GABRB1: variants seen among roughly 807,000 people sequenced by gnomAD.
GABRB1 encodes gamma-aminobutyric acid receptor subunit beta-1.
In GABRB1, 17 loss-of-function variants were observed where a neutral mutation model predicts 51.6. The observed-to-expected ratio is 0.33, with a 90% confidence interval of 0.23 to 0.49. The LOEUF (loss-of-function observed/expected upper bound fraction) is 0.49, where lower values mean the gene tolerates loss of function less well. Among genes scored for constraint, GABRB1 ranks in the 20% least tolerant of loss-of-function variants. The probability of loss-of-function intolerance (pLI) is 0.99; values close to 1 mark genes in which losing one functional copy is unlikely to be tolerated. For synonymous variants in GABRB1, 247 were observed against 218.9 expected, an observed-to-expected ratio of 1.13 and a Z score of -1.14; for missense variants, 410 against 600.6, an observed-to-expected ratio of 0.68 and a Z score of 3.32.
rs1317707161 is a variant in GABRB1, at chr4:47,403,680, C to G, written c.804C>G (p.Asn268Lys). 1 of 1,613,492 alleles carries G rather than the reference C, an allele frequency of 6.2e-7. No individual in the cohort carries two copies. The highest frequency in any genetic ancestry group is 1.7e-5 in the Admixed American group (1 of 60,022). ...TILSWVSFWI[N>K]YDASAARVAL... The stretch of plus-strand genomic sequence containing the variant: ...TGTCCTGGGTGTCTTTTTGGATCAA[C>G]TATGATGCATCTGCAGCCAGAGTCG... Residue 268 changes from asparagine to lysine, a missense_variant, in exon 7 of 9, where the codon AAC becomes AAG. Coordinates refer to ENST00000295454, the MANE Select transcript of GABRB1 (RefSeq NM_000812.4).
chr4:46,994,401 G>A (rs978657846), intron 1 of GABRB1: 23 of 151,092 alleles, frequency 1.5e-4, no homozygotes, highest in Admixed American at 6.6e-5. Context: ...ACTTCCAGAG[G>A]TTGACTGCTT....
intron 3 of GABRB1, among the ~76,000 whole-genome samples, chr4:47,095,552 G>C (rs898675794): frequency 2.0e-5 from 3 of 152,204 alleles, no homozygotes; most frequent in African/African-American, 7.2e-5. Context: ...CAGCCTTGGT[G>C]AGGCCTGGGA....
At chr4:47,083,500 C>T (rs1316657998) in intron 3 of GABRB1, among the ~76,000 whole-genome samples, 2 of 152,036 alleles carry the variant, frequency 1.3e-5, no homozygotes, top group African/African-American at 4.8e-5. Context: ...CCAATTTTTT[C>T]ATTGCTTATC....
chr4:47,388,277 G>A (rs1487951425), intron 5 of GABRB1, among the ~76,000 whole-genome samples: 1 of 152,132 alleles, frequency 6.6e-6, no homozygotes, highest in Non-Finnish European at 1.5e-5. Flanking sequence ...CCTTTAAATG[G>A]GTATGGTCTA....
At chr4:47,358,375 G>A (rs1726665704) in intron 5 of GABRB1, among the ~76,000 whole-genome samples, 1 of 151,570 alleles carries the variant, frequency 6.6e-6, no homozygotes, top group East Asian at 1.9e-4. Context: ...ATATATATGT[G>A]TGTGTGTATA....
At chr4:47,169,078 T>A (rs888167524) in intron 4 of GABRB1, among the ~76,000 whole-genome samples, 1 of 152,188 alleles carries the variant, frequency 6.6e-6, no homozygotes, top group African/African-American at 2.4e-5. Flanking sequence ...TAAGGTCATA[T>A]TCTAAGTCAC....
intron 3 of GABRB1, among the ~76,000 whole-genome samples, chr4:47,054,568 A>G (rs1484208876): frequency 6.7e-6 from 1 of 148,318 alleles, no homozygotes; most frequent in East Asian, 2.0e-4. Context: ...TGTTACTATT[A>G]TTATTACTTT....
intron 5 of GABRB1, among the ~76,000 whole-genome samples, chr4:47,322,586 A>C (rs1725123018): frequency 6.6e-6 from 1 of 152,200 alleles, no homozygotes; most frequent in Admixed American, 6.5e-5. Flanking sequence ...AGGGCAAAAA[A>C]AGTAATGGAG....
chr4:47,189,225 T>TG (rs1719325759), intron 4 of GABRB1, among the ~76,000 whole-genome samples: 1 of 151,728 alleles, frequency 6.6e-6, no homozygotes, highest in Admixed American at 6.6e-5. Context: ...TGGACATACT[T>TG]GGAAAGTTTT....
intron 5 of GABRB1, among the ~76,000 whole-genome samples, chr4:47,353,621 G>C (rs1355993993): frequency 1.3e-5 from 2 of 152,098 alleles, no homozygotes; most frequent in Non-Finnish European, 1.5e-5. Flanking sequence ...TACCTATCTT[G>C]AAATATCATT....
chr4:47,173,059 C>A (rs1439988180), intron 4 of GABRB1, among the ~76,000 whole-genome samples: 2 of 152,054 alleles, frequency 1.3e-5, no homozygotes, highest in Non-Finnish European at 2.9e-5. Flanking sequence ...TAGTGGTAAC[C>A]ATTTCAAGAT....
intron 5 of GABRB1, among the ~76,000 whole-genome samples, chr4:47,320,977 G>A (rs1725062958): frequency 6.6e-6 from 1 of 152,040 alleles, no homozygotes; most frequent in South Asian, 2.1e-4. Flanking sequence ...CATCTTGTTA[G>A]CCAGGATGGC....
At chr4:47,081,825 C>T (rs1727860214) in intron 3 of GABRB1, among the ~76,000 whole-genome samples, 2 of 152,024 alleles carry the variant, frequency 1.3e-5, no homozygotes, top group African/African-American at 4.8e-5. Context: ...GGCTGTGTAA[C>T]AAGGCAGAAT....
At position 47,403,368 on chromosome 4, in the gene GABRB1, G is replaced by T. The variant is rs1226547297; in HGVS notation, c.595G>T (p.Ala199Ser). Residue 199 changes from alanine to serine, a missense_variant, in exon 6 of 9, where the codon GCA becomes TCA. Ala to Ser is a moderately conservative substitution (Grantham distance 99). This residue lies in a region of GABRB1 where 36 missense variants were observed against 39.7 expected (regional missense o/e 0.91). Transcript: ENST00000295454. The stretch of plus-strand genomic sequence containing the variant: ...ATTTTACTGGAATGGAGGAGAAGGG[G>T]CAGTCACTGGTGTTAATAAAATCGA... ...IEFYWNGGEG[A>S]VTGVNKIELP... 6.2e-7 allele frequency: 1 copy of T among 1,613,984 alleles called. No individual in the cohort carries two copies. Among genetic ancestry groups the T allele is most frequent in the Non-Finnish European group, 8.5e-7 (1 of 1,179,874 alleles).
At chr4:47,321,028 G>A (rs17600296) in intron 5 of GABRB1, among the ~76,000 whole-genome samples, 6,606 of 152,168 alleles carry the variant, frequency 0.043, 365 homozygotes, top group East Asian at 0.28. Context: ...TGAAGATTTA[G>A]TCTGATTGAC....
intron 4 of GABRB1, among the ~76,000 whole-genome samples, chr4:47,199,020 C>G (rs955566971): frequency 6.6e-6 from 1 of 152,140 alleles, no homozygotes; most frequent in African/African-American, 2.4e-5. Context: ...CCCACCAGGC[C>G]CTTTCCTGGA....
intron 3 of GABRB1, among the ~76,000 whole-genome samples, chr4:47,053,028 G>A (rs1726425131): frequency 6.6e-6 from 1 of 152,146 alleles, no homozygotes; most frequent in South Asian, 2.1e-4. Flanking sequence ...TTCTTGGGAT[G>A]TTTATTGAAA....
intron 3 of GABRB1, among the ~76,000 whole-genome samples, chr4:47,085,924 A>G (rs2109576531): frequency 6.6e-6 from 1 of 152,360 alleles, no homozygotes; most frequent in East Asian, 1.9e-4. Context: ...CCTAGGTGGA[A>G]TTTACAGTCA....
At chr4:47,007,842 T>G (rs1724451905) in intron 1 of GABRB1, among the ~76,000 whole-genome samples, 1 of 125,772 alleles carries the variant, frequency 8.0e-6, no homozygotes, top group Non-Finnish European at 1.7e-5. Flanking sequence ...TAAGTACCAT[T>G]AAAGGACGTA....
Sources: gnomAD v4.1 joint callset for allele counts (sites outside exome capture counted in the v4.1 genomes callset) on GRCh38, gnomAD v4.1.1 for gene constraint, gnomAD v4.1.1 regional missense constraint, MANE v1.5 for transcripts, NCBI Gene and HGNC (gene_info 2026-07-23, HGNC 2026-07-21) for gene names.